Variants in CNMD observed in about 807,000 individuals in gnomAD.
CNMD encodes the protein chondromodulin.
Under a neutral mutation model 37.5 loss-of-function variants are expected in CNMD, and 30 were observed. That is an observed-to-expected ratio of 0.80 (90% CI 0.60 to 1.09). CNMD has a LOEUF of 1.09. Ranked by LOEUF, CNMD falls within the 50% of genes least tolerant of loss-of-function variation. The probability of loss-of-function intolerance (pLI) is 0.00; values close to 1 mark genes in which losing one functional copy is unlikely to be tolerated. For synonymous variants in CNMD, 167 were observed against 148.2 expected (o/e 1.13, Z -0.92); for missense variants, 398 against 423.9 (o/e 0.94, Z 0.54).
intron 2 of CNMD, among the ~76,000 whole-genome samples, chr13:52,736,842 G>T (rs1964776044): frequency 6.6e-6 from 1 of 152,178 alleles, no homozygotes; most frequent in African/African-American, 2.4e-5. Context: ...ATCTCACAGG[G>T]TGGGGTTGTC....
chr13:52,715,831 T>C (rs1244414877), intron 4 of CNMD, among the ~76,000 whole-genome samples: 3 of 152,228 alleles, frequency 2.0e-5, no homozygotes, highest in African/African-American at 7.2e-5. Context: ...TGTGTCTTTA[T>C]AGTAGAATGA....
chr13:52,708,771 G>C, intron 5 of CNMD, 69 bp from the exon 6 acceptor site: 1 of 1,275,524 alleles, frequency 7.8e-7, no homozygotes, highest in Non-Finnish European at 1.1e-6. Context: ...TGTTTATCAG[G>C]GTGAAAAACA....
chr13:52,732,974 G>T, intron 3 of CNMD: 1 of 523,280 alleles, frequency 1.9e-6, no homozygotes, highest in Non-Finnish European at 3.4e-6. Context: ...ATTCAGTAAA[G>T]GTGGTTCTTT....
At chr13:52,731,309 C>T (rs1964662808) in intron 3 of CNMD, among the ~76,000 whole-genome samples, 4 of 152,168 alleles carry the variant, frequency 2.6e-5, no homozygotes, top group East Asian at 1.9e-4. Context: ...CCATCATTTT[C>T]GCATTCCGCC....
At chr13:52,729,764 T>C (rs1164015614) in intron 3 of CNMD, among the ~76,000 whole-genome samples, 1 of 152,186 alleles carries the variant, frequency 6.6e-6, no homozygotes, top group African/African-American at 2.4e-5. Context: ...ATTCACAAAA[T>C]TAAAAGGATT....
intron 3 of CNMD, among the ~76,000 whole-genome samples, chr13:52,730,667 A>G (rs935081162): frequency 7.9e-5 from 12 of 151,956 alleles, no homozygotes; most frequent in Non-Finnish European, 1.5e-4. Flanking sequence ...TTTTGATGGG[A>G]TATTCTTTCA....
chr13:52,724,460 G>A (rs997306792), intron 3 of CNMD, among the ~76,000 whole-genome samples: 3 of 151,380 alleles, frequency 2.0e-5, no homozygotes, highest in Non-Finnish European at 2.9e-5. Context: ...GCGTGGTGGC[G>A]GGCGCCTGTA....
At chr13:52,717,142 C>CT (rs977755458) in intron 4 of CNMD, among the ~76,000 whole-genome samples, 3 of 151,682 alleles carry the variant, frequency 2.0e-5, no homozygotes, top group Admixed American at 2.0e-4. Context: ...ATTTGGCTCT[C>CT]TGTCTATTAT....
intron 2 of CNMD, among the ~76,000 whole-genome samples, chr13:52,734,893 A>C (rs1179228394): frequency 6.6e-6 from 1 of 152,174 alleles, no homozygotes; most frequent in African/African-American, 2.4e-5. Flanking sequence ...ACAGTGCACT[A>C]TTTTATTATC....
rs112693925 is a variant in CNMD at position 52,739,204 on chromosome 13, T to A, written c.73-33A>T. On this transcript the variant is annotated intron_variant, in intron 1 of 6. Transcript: ENST00000377962. This position sits in a 1 kb window ranked among gnomAD's most constrained non-coding sequence, Gnocchi z 5.4. ...CCGGGGCGGGAGAGGGACCGTCGCG[T>A]TTGTGCCGCCAGCACCTGCGGCCCC... 2 of 1,446,234 alleles carry A rather than the reference T, an allele frequency of 1.4e-6. No homozygotes were observed. Among genetic ancestry groups the A allele is most frequent in the African/African-American group, 3.0e-5 (2 of 67,108 alleles). The allele number at this position is 1,446,234 out of a possible 1,614,324, so 89.6% of individuals were successfully genotyped here.
intron 2 of CNMD, among the ~76,000 whole-genome samples, chr13:52,737,273 T>C (rs761374445): frequency 2.0e-5 from 3 of 152,208 alleles, no homozygotes; most frequent in Non-Finnish European, 4.4e-5. Context: ...CTATTTAGTA[T>C]TTTGTGATTT....
chr13:52,708,749 A>T (rs1964241858), intron 5 of CNMD, 47 bp from the exon 6 acceptor site: 1 of 1,418,724 alleles, frequency 7.0e-7, no homozygotes, highest in Non-Finnish European at 9.7e-7. Flanking sequence ...ATAATTAAGG[A>T]AATTAGATCT....
Position 52,708,657 on chromosome 13 carries a change from G to GTTGGAACAATTTTTC in CNMD, c.653_667dup (p.Arg218_Pro222dup). On this transcript the variant is annotated inframe_insertion, in exon 6 of 7. Coordinates refer to ENST00000377962, the MANE Select transcript of CNMD (RefSeq NM_007015.3). ...TCCACTGTGTGGTCTTTTTGTGGTAGTTGGAACAATTTTTCTTACCACTTC... is the reference window on the plus strand; with the variant it reads ...TCCACTGTGTGGTCTTTTTGTGGTAGTTGGAACAATTTTTCTTGGAACAATTTTTCTTACCACTTC... 1 of 1,611,698 alleles carries GTTGGAACAATTTTTC rather than the reference G, an allele frequency of 6.2e-7. No homozygotes were observed.
chr13:52,739,706 G>A lies in CNMD; in HGVS notation c.-5C>T, dbSNP rs368687269. ...TTTGTCGGAGTTCTCTGTCATGTTT[G>A]CGGCGGGAGGAGTGAGGCACTTGGA... On this transcript the variant is annotated 5_prime_UTR_variant, in exon 1 of 7. Coordinates refer to ENST00000377962, the MANE Select transcript of CNMD (RefSeq NM_007015.3). This position sits in a 1 kb window ranked among gnomAD's most constrained non-coding sequence, Gnocchi z 5.4. 7 of 1,613,842 alleles carry A rather than the reference G, an allele frequency of 4.3e-6. No individual in the cohort carries two copies. Among genetic ancestry groups the A allele is most frequent in the Non-Finnish European group, 5.9e-6 (7 of 1,179,862 alleles).
intron 4 of CNMD, among the ~76,000 whole-genome samples, chr13:52,723,608 AC>A (rs1964518646): frequency 6.6e-6 from 1 of 152,168 alleles, no homozygotes; most frequent in South Asian, 2.1e-4. Flanking sequence ...CTAGTCATGA[AC>A]CTATCCAGGT....
chr13:52,706,703 G>T (rs1032425746), intron 6 of CNMD, among the ~76,000 whole-genome samples: 2 of 149,434 alleles, frequency 1.3e-5, no homozygotes, highest in Non-Finnish European at 3.0e-5. Context: ...AGAAAGCAAG[G>T]TATAAAAGTT....
At chr13:52,720,732 A>G (rs1240600316) in intron 4 of CNMD, among the ~76,000 whole-genome samples, 2 of 152,102 alleles carry the variant, frequency 1.3e-5, no homozygotes, top group African/African-American at 2.4e-5. Flanking sequence ...TGTATGAGGT[A>G]TCTGTCAATC....
chr13:52,736,646 C>T (rs1040806586), intron 2 of CNMD, among the ~76,000 whole-genome samples: 2 of 152,178 alleles, frequency 1.3e-5, no homozygotes, highest in African/African-American at 4.8e-5. Flanking sequence ...TATTTTTATC[C>T]AAACAAGATG....
At chr13:52,714,025 G>A (rs2138232577) in intron 4 of CNMD, among the ~76,000 whole-genome samples, 1 of 152,288 alleles carries the variant, frequency 6.6e-6, no homozygotes, top group South Asian at 2.1e-4. Flanking sequence ...TTCTCCTGCA[G>A]TCCAGGGTGC....
Sources: gnomAD v4.1 joint callset for allele counts (sites outside exome capture counted in the v4.1 genomes callset) on GRCh38, gnomAD v4.1.1 for gene constraint, Gnocchi (gnomAD v3.1) non-coding constraint, MANE v1.5 for transcripts, NCBI Gene and HGNC (gene_info 2026-07-23, HGNC 2026-07-21) for gene names.